Variants in CDK18 observed in about 807,000 individuals in gnomAD.
CDK18 encodes the protein cyclin dependent kinase 18, also known as cyclin-dependent kinase 18.
A neutral mutation model predicts 62.0 loss-of-function variants in CDK18; 52 were observed. That is an observed-to-expected ratio of 0.84 (90% CI 0.67 to 1.06). The LOEUF (loss-of-function observed/expected upper bound fraction) is 1.06, where lower values mean the gene tolerates loss of function less well. Ranked by LOEUF, CDK18 falls within the 50% of genes least tolerant of loss-of-function variation. CDK18 has a pLI of 0.00. For synonymous variants in CDK18, 237 were observed against 247.0 expected, an observed-to-expected ratio of 0.96 and a Z score of 0.38; for missense variants, 604 against 619.9, an observed-to-expected ratio of 0.97 and a Z score of 0.27.
intron 13 of CDK18, chr1:205,529,829 C>T: frequency 7.3e-7 from 1 of 1,374,570 alleles, no homozygotes; most frequent in East Asian, 2.6e-5. Flanking sequence ...TCCTCAGCTG[C>T]AAAGTGGGAT....
intron 13 of CDK18, chr1:205,529,965 G>C (rs1668656353): frequency 7.2e-7 from 1 of 1,389,506 alleles, no homozygotes; most frequent in Non-Finnish European, 9.3e-7. Flanking sequence ...TGTTACGGAT[G>C]TTCTCCATCT....
rs1281951161 is a variant in CDK18, at chr1:205,528,744, C to A, written c.975-255C>A. ...GCGCTGGCTGCACAGACCCAAACCT[C>A]ACAGAGTGAAAGGGGACTTTCCTCA... On this transcript the variant is annotated intron_variant, in intron 10 of 15. Coordinates refer to ENST00000429964, the MANE Select transcript of CDK18 (RefSeq NM_212502.3). This position sits in a 1 kb window ranked among gnomAD's most constrained non-coding sequence, Gnocchi z 4.2. 3 of 449,036 alleles carry A rather than the reference C, an allele frequency of 6.7e-6. No individual in the cohort carries two copies. Among genetic ancestry groups the A allele is most frequent in the Non-Finnish European group, 1.2e-5 (3 of 252,842 alleles). 27.8% of individuals were successfully genotyped at this position (449,036 alleles called of 1,614,324 possible). A position where few individuals can be genotyped will look rare whatever the true frequency, so the allele number is the denominator to read the frequency against.
In CDK18 at chr1:205,528,758, G is replaced by GGACTTTCCTCACAGAGTGAAAGTC; in HGVS notation, c.975-239_975-216dup. On this transcript the variant is annotated intron_variant, in intron 10 of 15. Transcript: ENST00000429964. The surrounding 1 kb of genome is among the most constrained non-coding windows in gnomAD (Gnocchi z 4.2). ...GACCCAAACCTCACAGAGTGAAAGG[G>GGACTTTCCTCACAGAGTGAAAGTC]GACTTTCCTCACAGAGTGAAAGTCG... is the stretch of plus-strand genomic sequence containing the variant. The GGACTTTCCTCACAGAGTGAAAGTC allele has an allele frequency of 2.2e-6, 1 of 462,274 alleles. No individual in the cohort carries two copies. The highest frequency in any genetic ancestry group is 5.0e-5 in the South Asian group (1 of 20,006). The allele number at this position is 462,274 out of a possible 1,614,324, so 28.6% of individuals were successfully genotyped here.
At chr1:205,507,658 A>T (rs1184991100) in intron 1 of CDK18, among the ~76,000 whole-genome samples, 3 of 151,542 alleles carry the variant, frequency 2.0e-5, no homozygotes, top group African/African-American at 2.4e-5. Context: ...AAAAAAAAAA[A>T]AAAAATAATG....
chr1:205,515,347 T>G (rs1345938601), intron 1 of CDK18, among the ~76,000 whole-genome samples: 1 of 151,990 alleles, frequency 6.6e-6, no homozygotes, highest in Non-Finnish European at 1.5e-5. Flanking sequence ...CAGCTGATTT[T>G]TGTATTTTTA....
chr1:205,520,426 C>T (rs1359448345), intron 1 of CDK18, among the ~76,000 whole-genome samples: 1 of 152,146 alleles, frequency 6.6e-6, no homozygotes, highest in Non-Finnish European at 1.5e-5. Context: ...TGGCTGAGTG[C>T]TGTGGCTCAT....
At position 205,527,972 on chromosome 1, in the gene CDK18, G is replaced by A. The variant is rs1239894149; in HGVS notation, c.853+55G>A. ...CGCTACTGGGGTGCCTCAGGGTGTG[G>A]GTGCAGTGGGGGAGGGCATAGCAGT... On this transcript the variant is annotated intron_variant, in intron 9 of 15. Transcript: ENST00000429964. The surrounding 1 kb of genome is among the most constrained non-coding windows in gnomAD (Gnocchi z 4.1). The A allele has an allele frequency of 6.2e-7, 1 of 1,612,904 alleles. No individual in the cohort carries two copies. The highest frequency in any genetic ancestry group is 8.5e-7 in the Non-Finnish European group (1 of 1,179,238).
chr1:205,529,236 G>T lies in CDK18; in HGVS notation c.1073-88G>T, dbSNP rs538949152. 107 of 1,397,312 alleles carry T rather than the reference G, an allele frequency of 7.7e-5. 1 individual carries two copies. The Admixed American group carries it at 9.5e-4, about 12-fold the overall frequency. The allele number at this position is 1,397,312 out of a possible 1,614,324, so 86.6% of individuals were successfully genotyped here. On this transcript the variant is annotated intron_variant, in intron 11 of 15. Transcript: ENST00000429964. ...ACCCCCTGTGGCCTCGGCCATCTTT[G>T]CTCCCACCTCATACATTGCATCCCT...
chr1:205,505,857 G>A (rs1262920595), intron 1 of CDK18, among the ~76,000 whole-genome samples: 1 of 152,124 alleles, frequency 6.6e-6, no homozygotes, highest in Admixed American at 6.5e-5. Flanking sequence ...GAGAGGCCCT[G>A]GAACCTCTTC....
At chr1:205,519,264 CAG>C (rs1168330212) in intron 1 of CDK18, among the ~76,000 whole-genome samples, 2 of 152,192 alleles carry the variant, frequency 1.3e-5, no homozygotes, top group Non-Finnish European at 2.9e-5. Flanking sequence ...GGAAAAATGA[CAG>C]AGGCATCTTG....
chr1:205,530,451 C>T, intron 14 of CDK18, 102 bp downstream of exon 14: 1 of 1,307,100 alleles, frequency 7.7e-7, no homozygotes. Context: ...GGCCCCAGCC[C>T]CAGCAGAGCA....
At chr1:205,529,288 C>T in intron 11 of CDK18, 36 bp from the exon 12 acceptor site, 1 of 1,568,422 alleles carries the variant, frequency 6.4e-7, no homozygotes, top group Non-Finnish European at 8.8e-7. Context: ...CCCTGGGCCT[C>T]ACGCAGGCCC....
intron 1 of CDK18, chr1:205,522,918 A>C: frequency 3.9e-6 from 2 of 511,462 alleles, no homozygotes; most frequent in Non-Finnish European, 7.0e-6. Flanking sequence ...GGCGGTGGGC[A>C]GTGGAGGCAG....
intron 1 of CDK18, among the ~76,000 whole-genome samples, chr1:205,521,332 C>T (rs1395992271): frequency 6.6e-6 from 1 of 152,242 alleles, no homozygotes; most frequent in South Asian, 2.1e-4. Context: ...CTGCTTCAGC[C>T]TCCCAAGTAA....
intron 1 of CDK18, among the ~76,000 whole-genome samples, chr1:205,510,612 G>A (rs1667523996): frequency 6.6e-6 from 1 of 152,198 alleles, no homozygotes; most frequent in African/African-American, 2.4e-5. Context: ...CTTGGCTGTG[G>A]TGACCAATAA....
chr1:205,527,291 C>A lies in CDK18; in HGVS notation c.729+454C>A. 1 of 220,498 alleles carries A rather than the reference C, an allele frequency of 4.5e-6. No homozygotes were observed. The highest frequency in any genetic ancestry group is 5.2e-5 in the Admixed American group (1 of 19,174). 13.7% of individuals were successfully genotyped at this position (220,498 alleles called of 1,614,324 possible). ...CCCAGGAGTTTGAGACCAGCCTGGG[C>A]AACATGGCAAGACCTCATCTCTACT... On this transcript the variant is annotated intron_variant, in intron 8 of 15. Coordinates refer to ENST00000429964, the MANE Select transcript of CDK18 (RefSeq NM_212502.3). This position sits in a 1 kb window ranked among gnomAD's most constrained non-coding sequence, Gnocchi z 4.1.
intron 1 of CDK18, among the ~76,000 whole-genome samples, chr1:205,521,492 G>GCC (rs1668124527): frequency 6.6e-6 from 1 of 152,252 alleles, no homozygotes; most frequent in Admixed American, 6.5e-5. Context: ...GGGATTACAG[G>GCC]CATGAGCCAC....
intron 1 of CDK18, among the ~76,000 whole-genome samples, chr1:205,509,836 T>C (rs1667480789): frequency 6.6e-6 from 1 of 152,150 alleles, no homozygotes. Context: ...TCCCAGAACT[T>C]TGGGAGGCCG....
At chr1:205,520,521 G>A (rs986082765) in intron 1 of CDK18, among the ~76,000 whole-genome samples, 2 of 152,008 alleles carry the variant, frequency 1.3e-5, no homozygotes, top group Non-Finnish European at 2.9e-5. Flanking sequence ...CCAACATGGC[G>A]AAATCCTGTC....
Sources: gnomAD v4.1 joint callset for allele counts (sites outside exome capture counted in the v4.1 genomes callset) on GRCh38, gnomAD v4.1.1 for gene constraint, Gnocchi (gnomAD v3.1) non-coding constraint, MANE v1.5 for transcripts, NCBI Gene and HGNC (gene_info 2026-07-23, HGNC 2026-07-21) for gene names.